The following PPP2R2B variants were observed in gnomAD, a reference collection of about 807,000 sequenced individuals.
The protein encoded by PPP2R2B is protein phosphatase 2 regulatory subunit Bbeta.
PPP2R2B carries 5 observed loss-of-function variants against 46.0 expected under a neutral mutation model. The observed-to-expected ratio is 0.11, with a 90% CI of 0.06 to 0.23. PPP2R2B has a LOEUF of 0.23. Ranked by LOEUF, PPP2R2B falls within the 10% of genes least tolerant of loss-of-function variation. The probability of loss-of-function intolerance (pLI) is 1.00; values close to 1 mark genes in which losing one functional copy is unlikely to be tolerated. For synonymous variants in PPP2R2B, 215 were observed against 206.7 expected (o/e 1.04, Z -0.34); for missense variants, 367 against 575.0 (o/e 0.64, Z 3.70).
intron 1 of PPP2R2B, among the ~76,000 whole-genome samples, chr5:147,008,199 G>A (rs1754539074): frequency 6.6e-6 from 1 of 152,112 alleles, no homozygotes. Context: ...CATGGTTTGT[G>A]TAAATGTAGT....
intron 1 of PPP2R2B, among the ~76,000 whole-genome samples, chr5:147,039,264 C>T (rs1261149025): frequency 6.6e-6 from 1 of 152,152 alleles, no homozygotes; most frequent in Non-Finnish European, 1.5e-5. Context: ...CAGCCCTTAT[C>T]ACTATGTTAA....
chr5:146,791,535 G>T lies in PPP2R2B; in HGVS notation c.70+86467C>A, dbSNP rs973798281. 5.9e-5 allele frequency among the ~76,000 whole-genome samples: 9 copies of T among 151,822 alleles called. No homozygotes were observed. In the South Asian group the frequency reaches 1.9e-3, roughly 31 times the overall value. ...AAAAATCCAACTTGGACCAATGAGA[G>T]TTAGGTCCAGATTTTCACTGCTACA... On this transcript the variant is annotated intron_variant, in intron 2 of 9. Transcript: ENST00000394411.
intron 5 of PPP2R2B, among the ~76,000 whole-genome samples, chr5:146,673,928 G>C (rs994777792): frequency 6.6e-6 from 1 of 152,196 alleles, no homozygotes; most frequent in African/African-American, 2.4e-5. Flanking sequence ...CTTCCAGCAA[G>C]GGATAGAAAT....
intron 5 of PPP2R2B, among the ~76,000 whole-genome samples, chr5:146,678,996 C>A (rs1476977906): frequency 2.0e-5 from 1 of 50,448 alleles, no homozygotes; most frequent in Non-Finnish European, 3.7e-5. Context: ...TCAATGCCAT[C>A]CCCATCAAGC....
chr5:146,595,277 A>G (rs573733509), intron 8 of PPP2R2B, among the ~76,000 whole-genome samples: 139 of 152,268 alleles, frequency 9.1e-4, no homozygotes, highest in Non-Finnish European at 1.7e-3. Flanking sequence ...AAACTAACTC[A>G]TTCACCTTCA....
At chr5:146,895,748 C>T (rs1026602341) in intron 1 of PPP2R2B, among the ~76,000 whole-genome samples, 1 of 152,150 alleles carries the variant, frequency 6.6e-6, no homozygotes, top group African/African-American at 2.4e-5. Flanking sequence ...TTTATGGCTT[C>T]TCTTGAAATA....
chr5:146,591,801 T>C (rs1260449682), intron 9 of PPP2R2B, among the ~76,000 whole-genome samples: 4 of 152,192 alleles, frequency 2.6e-5, no homozygotes, highest in Non-Finnish European at 5.9e-5. Flanking sequence ...TCTCTACTAC[T>C]TACTACTTTA....
At position 146,767,073 on chromosome 5, in the gene PPP2R2B, G is replaced by T. The variant is rs558875575; in HGVS notation, c.71-65931C>A. ...AAAAAAAAAAAAAAAAAAAAAAAAA[G>T]GCTCAGCAGAGACAGTAACAGCACA... On this transcript the variant is annotated intron_variant, in intron 2 of 9. Coordinates refer to ENST00000394411, the MANE Select transcript of PPP2R2B (RefSeq NM_181675.4). Among the ~76,000 whole-genome samples, 214 of 124,984 alleles carry T rather than the reference G, an allele frequency of 1.7e-3. 1 individual carries two copies. Among genetic ancestry groups the T allele is most frequent in the African/African-American group, 6.2e-3 (203 of 32,844 alleles). The allele number at this position is 124,984 out of a possible 152,430, so 82.0% of individuals were successfully genotyped here.
intron 1 of PPP2R2B, among the ~76,000 whole-genome samples, chr5:147,017,755 G>A (rs959980757): frequency 4.6e-5 from 7 of 152,068 alleles, no homozygotes; most frequent in African/African-American, 1.7e-4. Context: ...TTGTAAATTA[G>A]GTTTAGAGTG....
At chr5:146,664,203 GAA>G (rs1294136434) in intron 5 of PPP2R2B, among the ~76,000 whole-genome samples, 1 of 152,160 alleles carries the variant, frequency 6.6e-6, no homozygotes, top group Non-Finnish European at 1.5e-5. Flanking sequence ...TTCCTTTCAT[GAA>G]AGATTTCTCT....
rs183046902 is a variant in PPP2R2B, at chr5:146,589,551, C to T, written c.*396G>A. On this transcript the variant is annotated 3_prime_UTR_variant, in exon 10 of 10. Transcript: ENST00000394411. ...TTATTTTTTGTTGATTTTTTTCAATCAAATGGAATTGCTTAATTAAAAAAA... is the reference window on the plus strand; with the variant it reads ...TTATTTTTTGTTGATTTTTTTCAATTAAATGGAATTGCTTAATTAAAAAAA... 186 of 161,560 alleles carry T rather than the reference C, an allele frequency of 1.2e-3. No individual in the cohort carries two copies. The highest frequency in any genetic ancestry group is 1.8e-3 in the Non-Finnish European group (130 of 73,954). The allele number at this position is 161,560 out of a possible 1,614,324, so 10.0% of individuals were successfully genotyped here. A position where few individuals can be genotyped will look rare whatever the true frequency, so the allele number is the denominator to read the frequency against.
intron 1 of PPP2R2B, among the ~76,000 whole-genome samples, chr5:147,007,693 A>T (rs1447514769): frequency 1.3e-5 from 2 of 152,158 alleles, no homozygotes; most frequent in Non-Finnish European, 2.9e-5. Context: ...TTCACTCCTG[A>T]AGTCAGCAAG....
intron 1 of PPP2R2B, among the ~76,000 whole-genome samples, chr5:146,998,424 A>G (rs186650980): frequency 6.6e-6 from 1 of 152,284 alleles, no homozygotes; most frequent in Non-Finnish European, 1.5e-5. Flanking sequence ...CCAGCCCAGG[A>G]AGTGGGAGTG....
intron 2 of PPP2R2B, among the ~76,000 whole-genome samples, chr5:146,810,774 G>A (rs1028854368): frequency 2.0e-5 from 3 of 151,592 alleles, no homozygotes; most frequent in Non-Finnish European, 4.4e-5. Flanking sequence ...TGCACAATGT[G>A]TGGGTTTGTT....
chr5:146,854,887 C>T (rs964138692), intron 2 of PPP2R2B, among the ~76,000 whole-genome samples: 2 of 152,188 alleles, frequency 1.3e-5, no homozygotes, highest in African/African-American at 4.8e-5. Context: ...AAAATTTGGA[C>T]TCTGAACTGT....
chr5:146,767,253 C>A (rs572763158), intron 2 of PPP2R2B, among the ~76,000 whole-genome samples: 2 of 152,110 alleles, frequency 1.3e-5, no homozygotes, highest in South Asian at 4.2e-4. Flanking sequence ...CCCCTTGTCT[C>A]CTGTTTGGGG....
At chr5:146,976,016 G>T (rs1378243090) in intron 1 of PPP2R2B, among the ~76,000 whole-genome samples, 3 of 151,218 alleles carry the variant, frequency 2.0e-5, no homozygotes, top group Non-Finnish European at 4.4e-5. Context: ...TGTTTCCTGT[G>T]CCTGGTATCA....
chr5:146,828,276 C>T (rs1024450387), intron 2 of PPP2R2B, among the ~76,000 whole-genome samples: 5 of 150,460 alleles, frequency 3.3e-5, no homozygotes, highest in Admixed American at 6.6e-5. Flanking sequence ...AAAAAAAAGA[C>T]ATTCTCTTGC....
intron 5 of PPP2R2B, among the ~76,000 whole-genome samples, chr5:146,680,644 G>A (rs1778107374): frequency 6.6e-6 from 1 of 152,106 alleles, no homozygotes; most frequent in African/African-American, 2.4e-5. Flanking sequence ...GTTTAAGCTA[G>A]GGTTTCCTAT....
Sources: gnomAD v4.1 joint callset for allele counts (sites outside exome capture counted in the v4.1 genomes callset) on GRCh38, gnomAD v4.1.1 for gene constraint, MANE v1.5 for transcripts, NCBI Gene and HGNC (gene_info 2026-07-23, HGNC 2026-07-21) for gene names.